Variants in STAM2 observed in about 807,000 individuals in gnomAD.
STAM2 encodes signal transducing adapter molecule 2.
In STAM2, 51 loss-of-function variants were observed where a neutral mutation model predicts 65.6. The observed-to-expected ratio is 0.78, with a 90% confidence interval of 0.62 to 0.98. STAM2 has a LOEUF of 0.98. STAM2 is among the 50% of genes least tolerant of loss of function. The probability of loss-of-function intolerance (pLI) is 0.00; values close to 1 mark genes in which losing one functional copy is unlikely to be tolerated. For synonymous variants in STAM2, 198 were observed against 208.4 expected, an observed-to-expected ratio of 0.95 and a Z score of 0.43; for missense variants, 584 against 617.8, an observed-to-expected ratio of 0.95 and a Z score of 0.58.
intron 1 of STAM2, among the ~76,000 whole-genome samples, chr2:152,170,496 A>G (rs544477794): frequency 6.6e-6 from 1 of 151,378 alleles, no homozygotes; most frequent in East Asian, 2.0e-4. Context: ...AAAAAAAAAA[A>G]AAGAATCTTG....
rs777218646 is a variant in STAM2, at chr2:152,123,799, A to T, written c.1316T>A (p.Val439Glu). The T allele has an allele frequency of 6.2e-6, 10 of 1,614,172 alleles. No individual in the cohort carries two copies. The highest frequency in any genetic ancestry group is 8.5e-6 in the Non-Finnish European group (10 of 1,180,028). Residue 439 changes from valine (V) to glutamate (E), a missense_variant, in exon 13 of 14, where the codon GTG becomes GAG. Physicochemically the swap from Val to Glu is moderately radical, Grantham distance 121. Transcript: ENST00000263904. ...RSLPPNVNSSVTAQPAQTSYL... is the reference protein window; with the variant it reads ...RSLPPNVNSSETAQPAQTSYL... ...TGAAGTTTGAGCAGGCTGTGCTGTCACTGAGGAATTCACATTTGGAGGCAG... is the reference window on the plus strand; with the variant it reads ...TGAAGTTTGAGCAGGCTGTGCTGTCTCTGAGGAATTCACATTTGGAGGCAG...
chr2:152,150,879 T>A (rs1293367197), intron 1 of STAM2, among the ~76,000 whole-genome samples: 2 of 152,072 alleles, frequency 1.3e-5, no homozygotes, highest in Non-Finnish European at 2.9e-5. Flanking sequence ...GTTTTGTAAA[T>A]TTTTTTAATA....
intron 11 of STAM2, 53 bp from the exon 12 acceptor site, chr2:152,126,432 A>G (rs939666687): frequency 7.2e-6 from 8 of 1,108,554 alleles, no homozygotes; most frequent in Non-Finnish European, 9.4e-6. Flanking sequence ...GCATGTATTT[A>G]GTAATATAAA....
Position 152,120,517 on chromosome 2 carries a change from T to C in STAM2, c.*57A>G, listed in dbSNP as rs902223118. ...AAGTTTTAATATTTTCAGGTTGGTA[T>C]CACAAGGACTGAATAATACACTTAT... On this transcript the variant is annotated 3_prime_UTR_variant, in exon 14 of 14. Transcript: ENST00000263904. 8.8e-6 allele frequency: 13 copies of C among 1,469,494 alleles called. No individual in the cohort carries two copies. The highest frequency in any genetic ancestry group is 1.2e-5 in the Non-Finnish European group (13 of 1,058,996). 91.0% of individuals were successfully genotyped at this position (1,469,494 alleles called of 1,614,324 possible).
At chr2:152,150,343 C>T in intron 1 of STAM2, 114 bp from the exon 2 acceptor site, 1 of 604,008 alleles carries the variant, frequency 1.7e-6, no homozygotes, top group Non-Finnish European at 2.8e-6. Context: ...GAAGATACTA[C>T]AGACGACCTT....
intron 6 of STAM2, 140 bp from the exon 7 acceptor site, chr2:152,144,153 TG>T (rs767460647): frequency 3.6e-5 from 17 of 466,160 alleles, no homozygotes; most frequent in Non-Finnish European, 6.1e-5. Flanking sequence ...TTCGGGAGGG[TG>T]GGGCAGGGCA....
chr2:152,131,251 G>A (rs796623859), intron 11 of STAM2, among the ~76,000 whole-genome samples: 50 of 152,142 alleles, frequency 3.3e-4, no homozygotes, highest in African/African-American at 1.0e-3. Context: ...TCAGGAGTTC[G>A]AGACCAGCCT....
intron 7 of STAM2, among the ~76,000 whole-genome samples, chr2:152,141,208 A>C (rs552782354): frequency 6.6e-6 from 1 of 151,198 alleles, no homozygotes; most frequent in Non-Finnish European, 1.5e-5. Context: ...GTAGAAAGTA[A>C]AACGCTTTTC....
intron 13 of STAM2, among the ~76,000 whole-genome samples, chr2:152,121,987 G>A (rs1156844824): frequency 1.3e-5 from 2 of 151,592 alleles, no homozygotes; most frequent in African/African-American, 4.9e-5. Flanking sequence ...GGTGGGGCTT[G>A]CAGTGACCCA....
chr2:152,167,523 T>C (rs1188056807), intron 1 of STAM2, among the ~76,000 whole-genome samples: 1 of 152,188 alleles, frequency 6.6e-6, no homozygotes, highest in Non-Finnish European at 1.5e-5. Flanking sequence ...TTCTCACCCA[T>C]GGTGTTGGAC....
chr2:152,157,108 GAGGACTAGCCCAAGTAGAGA>G (rs1431133586), intron 1 of STAM2, among the ~76,000 whole-genome samples: 1 of 152,032 alleles, frequency 6.6e-6, no homozygotes, highest in South Asian at 2.1e-4. Flanking sequence ...CCAAGTAGAA[GAGGACTAGCCCAAGTAGAGA>G]AGGACTAGCC....
At chr2:152,160,588 C>T (rs1202394006) in intron 1 of STAM2, among the ~76,000 whole-genome samples, 13 of 151,414 alleles carry the variant, frequency 8.6e-5, no homozygotes, top group African/African-American at 3.2e-4. Flanking sequence ...CCAGCCGCTC[C>T]GTCCAGGAGG....
At chr2:152,147,055 G>A in intron 5 of STAM2, 107 bp downstream of exon 5, 2 of 1,072,018 alleles carry the variant, frequency 1.9e-6, no homozygotes, top group Non-Finnish European at 2.6e-6. Context: ...CATTTGGGAA[G>A]TAAAGGTGGA....
intron 11 of STAM2, among the ~76,000 whole-genome samples, chr2:152,127,582 C>A (rs1688983346): frequency 6.7e-6 from 1 of 150,172 alleles, no homozygotes; most frequent in Non-Finnish European, 1.5e-5. Context: ...TGTTTATATC[C>A]ATGAAAGTGT....
intron 7 of STAM2, among the ~76,000 whole-genome samples, chr2:152,139,336 C>T (rs1689205723): frequency 6.6e-6 from 1 of 152,102 alleles, no homozygotes; most frequent in Admixed American, 6.5e-5. Flanking sequence ...GAAAACCTAC[C>T]ATGGAGAAAA....
chr2:152,164,811 G>A (rs1689747589), intron 1 of STAM2, among the ~76,000 whole-genome samples: 2 of 152,156 alleles, frequency 1.3e-5, no homozygotes, highest in Admixed American at 6.5e-5. Context: ...GAGCCAGGAC[G>A]AAAAGAAGGG....
intron 1 of STAM2, among the ~76,000 whole-genome samples, chr2:152,160,289 C>T (rs1161970698): frequency 2.0e-5 from 3 of 150,756 alleles, no homozygotes; most frequent in African/African-American, 4.9e-5. Flanking sequence ...GTGAGGAGCG[C>T]CTCTTCCCGG....
chr2:152,126,728 G>C (rs757501118), intron 11 of STAM2, among the ~76,000 whole-genome samples: 1 of 152,088 alleles, frequency 6.6e-6, no homozygotes, highest in African/African-American at 2.4e-5. Context: ...CACGTTTTCT[G>C]TGCAGCAGAT....
chr2:152,175,174 G>A (rs1689990233), intron 1 of STAM2, among the ~76,000 whole-genome samples: 1 of 152,210 alleles, frequency 6.6e-6, no homozygotes, highest in Non-Finnish European at 1.5e-5. Flanking sequence ...TAGGTGTCAA[G>A]TGTCTAGTGT....
Sources: gnomAD v4.1 joint callset for allele counts (sites outside exome capture counted in the v4.1 genomes callset) on GRCh38, gnomAD v4.1.1 for gene constraint, MANE v1.5 for transcripts, NCBI Gene and HGNC (gene_info 2026-07-23, HGNC 2026-07-21) for gene names.